The following SEC23A variants were observed in gnomAD, a reference collection of about 807,000 sequenced individuals.
The protein encoded by SEC23A is SEC23 homolog A, COPII component, also known as protein transport protein Sec23A.
Under a neutral mutation model 103.7 loss-of-function variants are expected in SEC23A, and 56 were observed. The ratio of observed to expected loss-of-function variants is 0.54; its 90% confidence interval spans 0.44 to 0.67. The LOEUF is 0.67. SEC23A is among the 30% of genes least tolerant of loss of function. SEC23A has a pLI of 0.00. For missense variants in SEC23A, 784 were observed against 936.4 expected, an observed-to-expected ratio of 0.84 and a Z score of 2.12; for synonymous variants, 281 against 293.0, an observed-to-expected ratio of 0.96 and a Z score of 0.42.
intron 16 of SEC23A, among the ~76,000 whole-genome samples, chr14:39,044,199 A>T (rs943587760): frequency 2.7e-4 from 41 of 152,200 alleles, no homozygotes; most frequent in African/African-American, 9.4e-4. Context: ...GTTGAAATTT[A>T]ATAGGAGCAG....
At chr14:39,056,298 G>A (rs928850826) in intron 13 of SEC23A, among the ~76,000 whole-genome samples, 2 of 152,092 alleles carry the variant, frequency 1.3e-5, no homozygotes, top group Non-Finnish European at 1.5e-5. Context: ...CCAGTCTCCT[G>A]ATTCCCACAA....
intron 12 of SEC23A, among the ~76,000 whole-genome samples, 190 bp downstream of exon 12, chr14:39,063,134 A>ATTG (rs1268842554): frequency 1.8e-4 from 28 of 152,254 alleles, no homozygotes; most frequent in African/African-American, 6.8e-4. Flanking sequence ...CATTTCTATT[A>ATTG]CAATATGTAC....
Position 39,033,207 on chromosome 14 carries a change from T to A in SEC23A, c.*32A>T. Reference sequence around the variant, plus strand: ...AAAATGAAATTTGAATATTATTTCATCTTCTTAAGTGTCTTTAACATTATT... The same window carrying A: ...AAAATGAAATTTGAATATTATTTCAACTTCTTAAGTGTCTTTAACATTATT... On this transcript the variant is annotated 3_prime_UTR_variant, in exon 20 of 20. Coordinates refer to ENST00000307712, the MANE Select transcript of SEC23A (RefSeq NM_006364.4). 6.9e-7 allele frequency: 1 copy of A among 1,451,380 alleles called. No individual in the cohort carries two copies. The highest frequency in any genetic ancestry group is 9.7e-7 in the Non-Finnish European group (1 of 1,032,216). The allele number at this position is 1,451,380 out of a possible 1,614,324, so 89.9% of individuals were successfully genotyped here.
chr14:39,047,409 C>A (rs1349378392), intron 15 of SEC23A: 1 of 1,288,906 alleles, frequency 7.8e-7, no homozygotes, highest in East Asian at 5.6e-5. Context: ...TCTCCAGGAT[C>A]TCACCAGAGG....
intron 1 of SEC23A, 108 bp from the exon 2 acceptor site, chr14:39,096,247 C>T: frequency 2.6e-6 from 2 of 781,564 alleles, no homozygotes; most frequent in Non-Finnish European, 4.2e-6. Context: ...GAAATCAGGA[C>T]CAGCTGGGCC....
chr14:39,037,203 C>T (rs369790677), intron 19 of SEC23A, among the ~76,000 whole-genome samples: 9 of 152,184 alleles, frequency 5.9e-5, no homozygotes, highest in African/African-American at 2.2e-4. Context: ...GACCATCAAA[C>T]CCAAATTGCC....
At chr14:39,070,044 CAATTAA>C (rs772391671) in intron 9 of SEC23A, among the ~76,000 whole-genome samples, 3 of 152,164 alleles carry the variant, frequency 2.0e-5, no homozygotes, top group Non-Finnish European at 4.4e-5. Context: ...AAATGTAAAG[CAATTAA>C]AATTAAATTT....
chr14:39,041,409 C>CAAAAAAAAAA (rs56911438), intron 17 of SEC23A: 56 of 14,648 alleles, frequency 3.8e-3, no homozygotes, highest in Non-Finnish European at 5.8e-3. Context: ...AAAGAAAAAG[C>CAAAAAAAAAA]AAAAAAAAAA....
chr14:39,046,428 G>A (rs778519060), intron 15 of SEC23A, among the ~76,000 whole-genome samples: 1 of 152,096 alleles, frequency 6.6e-6, no homozygotes, highest in Non-Finnish European at 1.5e-5. Flanking sequence ...AGCTGAGATT[G>A]TATCACTGCA....
intron 19 of SEC23A, among the ~76,000 whole-genome samples, chr14:39,037,114 A>ATCTCTCCTT (rs1885488057): frequency 6.6e-6 from 1 of 151,968 alleles, no homozygotes; most frequent in Admixed American, 6.6e-5. Flanking sequence ...TTTTTGTCTC[A>ATCTCTCCTT]TCTCTCCTTT....
chr14:39,091,353 T>C, intron 5 of SEC23A, 124 bp downstream of exon 5: 2 of 708,978 alleles, frequency 2.8e-6, no homozygotes, highest in Non-Finnish European at 4.8e-6. Context: ...TTAAAGCCTT[T>C]GTTATAATAC....
intron 14 of SEC23A, 37 bp from the exon 15 acceptor site, chr14:39,048,766 G>A: frequency 8.6e-7 from 1 of 1,160,148 alleles, no homozygotes; most frequent in Non-Finnish European, 1.3e-6. Context: ...TTTATTTCCT[G>A]GAATAAAAGC....
At chr14:39,039,407 T>G in intron 18 of SEC23A, 1 of 278,164 alleles carries the variant, frequency 3.6e-6, no homozygotes, top group East Asian at 7.9e-5. Context: ...ACTAAACACT[T>G]GGTCAGAAGT....
intron 11 of SEC23A, among the ~76,000 whole-genome samples, chr14:39,063,780 A>G (rs529195756): frequency 6.6e-6 from 1 of 152,118 alleles, no homozygotes; most frequent in South Asian, 2.1e-4. Context: ...GCAGATCACA[A>G]GGTCAGGAGA....
At chr14:39,096,475 A>G (rs1887896891) in intron 1 of SEC23A, among the ~76,000 whole-genome samples, 1 of 152,074 alleles carries the variant, frequency 6.6e-6, no homozygotes, top group Non-Finnish European at 1.5e-5. Context: ...GTTTGTGGTG[A>G]GCCGAGATCA....
chr14:39,096,437 G>A (rs1031441375), intron 1 of SEC23A, among the ~76,000 whole-genome samples: 1 of 151,990 alleles, frequency 6.6e-6, no homozygotes, highest in Non-Finnish European at 1.5e-5. Context: ...GGCTGAGGCA[G>A]GAGAATCTCT....
chr14:39,047,508 A>G (rs921493752), intron 15 of SEC23A: 1 of 704,286 alleles, frequency 1.4e-6, no homozygotes. Context: ...AAACAACAAC[A>G]ACAAAAAAAA....
chr14:39,033,331 A>G lies in SEC23A; in HGVS notation c.2209-3T>C. ...GTAAGAATAGGTGCTCCAGACTCCT[A>G]GAGGAAAAAAGATATTTGTTATGAT... is the stretch of plus-strand genomic sequence containing the variant. On this transcript the variant is annotated splice_polypyrimidine_tract_variant and splice_region_variant and intron_variant, in intron 19 of 19. Coordinates refer to ENST00000307712, the MANE Select transcript of SEC23A (RefSeq NM_006364.4). 1 of 1,444,220 alleles carries G rather than the reference A, an allele frequency of 6.9e-7. No individual in the cohort carries two copies. The highest frequency in any genetic ancestry group is 2.6e-5 in the African/African-American group (1 of 38,198). The allele number at this position is 1,444,220 out of a possible 1,614,324, so 89.5% of individuals were successfully genotyped here.
intron 10 of SEC23A, among the ~76,000 whole-genome samples, chr14:39,066,456 G>A (rs1195854671): frequency 1.3e-5 from 2 of 148,644 alleles, no homozygotes; most frequent in Non-Finnish European, 3.0e-5. Flanking sequence ...CTGATTATCC[G>A]AAAGGTAAAA....
Sources: allele counts gnomAD v4.1 joint callset (sites outside exome capture counted in the v4.1 genomes callset), GRCh38; gene constraint gnomAD v4.1.1; transcripts MANE v1.5; gene names NCBI Gene and HGNC (gene_info 2026-07-23, HGNC 2026-07-21).